Variants in MEIKIN observed in about 807,000 individuals in gnomAD.
MEIKIN encodes the protein meiosis-specific kinetochore protein.
intron 9 of MEIKIN, among the ~76,000 whole-genome samples, chr5:131,863,680 G>C (rs1054418817): frequency 6.9e-6 from 1 of 144,232 alleles, no homozygotes; most frequent in Non-Finnish European, 1.5e-5. Context: ...ATTTGATATA[G>C]TTTGGCTCTG....
chr5:131,811,497 G>A (rs920320582), intron 12 of MEIKIN, among the ~76,000 whole-genome samples: 1 of 151,978 alleles, frequency 6.6e-6, no homozygotes, highest in Non-Finnish European at 1.5e-5. Context: ...AGTAGAGACA[G>A]GGTTTCGCCA....
chr5:131,865,632 T>C (rs1750370507), intron 9 of MEIKIN, among the ~76,000 whole-genome samples: 1 of 152,206 alleles, frequency 6.6e-6, no homozygotes, highest in Non-Finnish European at 1.5e-5. Context: ...TATCTGTGCA[T>C]CTGGTGTTAC....
chr5:131,839,340 T>C (rs984990659), intron 11 of MEIKIN, among the ~76,000 whole-genome samples: 1 of 152,142 alleles, frequency 6.6e-6, no homozygotes, highest in African/African-American at 2.4e-5. Context: ...TGTTTTGGGG[T>C]GGAGTGTTCT....
In MEIKIN at chr5:131,849,932, T is replaced by G. The variant is rs528390998; in HGVS notation, c.975+1332A>C. Reference sequence around the variant, plus strand: ...GTATCACTGTGGAAAACCTTAAAGATTGAATTAAAAATTATTAGAATAAAT... The same window carrying G: ...GTATCACTGTGGAAAACCTTAAAGAGTGAATTAAAAATTATTAGAATAAAT... On this transcript the variant is annotated intron_variant, in intron 11 of 12. Coordinates refer to ENST00000442687, the MANE Select transcript of MEIKIN (RefSeq NM_001303622.2). Among the ~76,000 whole-genome samples, 229 of 151,966 alleles carry G rather than the reference T, an allele frequency of 1.5e-3. 8 individuals carry two copies. The South Asian group carries it at 0.046, about 30-fold the overall frequency.
At chr5:131,848,011 C>T (rs781723105) in intron 11 of MEIKIN, among the ~76,000 whole-genome samples, 5 of 152,018 alleles carry the variant, frequency 3.3e-5, no homozygotes, top group Non-Finnish European at 7.4e-5. Flanking sequence ...ACCAAACTTA[C>T]GGGATTTAGT....
chr5:131,843,772 T>G (rs908237730), intron 11 of MEIKIN, among the ~76,000 whole-genome samples: 4 of 152,250 alleles, frequency 2.6e-5, no homozygotes, highest in Non-Finnish European at 4.4e-5. Flanking sequence ...CTCATGTTCC[T>G]GTCTTCTTCT....
At chr5:131,826,671 C>A (rs1331094091) in intron 11 of MEIKIN, among the ~76,000 whole-genome samples, 5 of 152,136 alleles carry the variant, frequency 3.3e-5, no homozygotes, top group Non-Finnish European at 5.9e-5. Flanking sequence ...CAGTTTCCCC[C>A]ATGCTGTTCT....
intron 9 of MEIKIN, among the ~76,000 whole-genome samples, chr5:131,871,492 C>T (rs4618421): frequency 2.0e-5 from 3 of 152,030 alleles, no homozygotes; most frequent in Admixed American, 6.5e-5. Context: ...GTAAACAAAG[C>T]GGCTGGGAAG....
intron 10 of MEIKIN, among the ~76,000 whole-genome samples, chr5:131,854,394 A>G (rs1229029870): frequency 1.1e-4 from 17 of 152,106 alleles, no homozygotes. Context: ...CAAGATGAAA[A>G]AAGTTCTAGA....
chr5:131,913,480 A>G (rs1458426638), intron 7 of MEIKIN, among the ~76,000 whole-genome samples: 1 of 152,166 alleles, frequency 6.6e-6, no homozygotes, highest in Non-Finnish European at 1.5e-5. Context: ...GAACCTTCCA[A>G]ATGGTTCTCT....
chr5:131,880,182 C>G (rs192942762), intron 8 of MEIKIN, among the ~76,000 whole-genome samples: 1 of 152,026 alleles, frequency 6.6e-6, no homozygotes. Flanking sequence ...CCCTACCTCC[C>G]GGGTTCAAGC....
chr5:131,929,303 C>A (rs1751642735), intron 5 of MEIKIN, among the ~76,000 whole-genome samples: 1 of 152,106 alleles, frequency 6.6e-6, no homozygotes, highest in Admixed American at 6.5e-5. Context: ...CTACTTGGGT[C>A]CCTTGGGCTT....
chr5:131,895,998 C>T (rs7728501), intron 8 of MEIKIN, among the ~76,000 whole-genome samples: 55,151 of 151,982 alleles, frequency 0.36, 11,975 homozygotes, highest in African/African-American at 0.62. Flanking sequence ...TTTTGGATCT[C>T]TCCTGCTTTC....
chr5:131,879,692 C>A (rs1333238080), intron 8 of MEIKIN, among the ~76,000 whole-genome samples: 4 of 152,182 alleles, frequency 2.6e-5, no homozygotes, highest in Non-Finnish European at 5.9e-5. Flanking sequence ...TCCAAAGTAT[C>A]CAGTTGCACT....
intron 8 of MEIKIN, among the ~76,000 whole-genome samples, chr5:131,889,192 A>G (rs182636448): frequency 0.012 from 1,771 of 152,212 alleles, 25 homozygotes; most frequent in African/African-American, 0.039. Context: ...TTGGCAATGC[A>G]GGCTCTTTTT....
chr5:131,944,630 A>T, intron 3 of MEIKIN, 35 bp downstream of exon 3: 1 of 399,042 alleles, frequency 2.5e-6, no homozygotes, highest in Middle Eastern at 6.3e-4. Flanking sequence ...CTCTACACTA[A>T]GTGTGTCCAA....
intron 9 of MEIKIN, among the ~76,000 whole-genome samples, chr5:131,873,229 T>C (rs1750540564): frequency 6.6e-6 from 1 of 152,154 alleles, no homozygotes; most frequent in Non-Finnish European, 1.5e-5. Flanking sequence ...TCAAGACCCA[T>C]CAGTGTGCTG....
At chr5:131,815,970 T>C (rs1218971144) in intron 12 of MEIKIN, among the ~76,000 whole-genome samples, 1 of 152,244 alleles carries the variant, frequency 6.6e-6, no homozygotes, top group Admixed American at 6.5e-5. Flanking sequence ...TTTTCTTCTC[T>C]CTCTTATCCC....
intron 6 of MEIKIN, among the ~76,000 whole-genome samples, chr5:131,917,411 C>T (rs1330347677): frequency 6.6e-6 from 1 of 151,734 alleles, no homozygotes; most frequent in Non-Finnish European, 1.5e-5. Flanking sequence ...ACTAAAAACA[C>T]AAAAATTAGC....
Sources: allele counts gnomAD v4.1 joint callset (sites outside exome capture counted in the v4.1 genomes callset), GRCh38; gene constraint gnomAD v4.1.1; transcripts MANE v1.5; gene names NCBI Gene and HGNC (gene_info 2026-07-23, HGNC 2026-07-21).